Variants in XYLT1 observed in about 807,000 individuals in gnomAD.
XYLT1 encodes xylosyltransferase 1.
XYLT1 carries 36 observed loss-of-function variants against 91.3 expected under a neutral mutation model. That is an observed-to-expected ratio of 0.39 (90% CI 0.30 to 0.52). The LOEUF (loss-of-function observed/expected upper bound fraction) is 0.52, where lower values mean the gene tolerates loss of function less well. XYLT1 is among the 20% of genes least tolerant of loss of function. XYLT1 has a pLI of 0.68. For missense variants in XYLT1, 1,242 were observed against 1,284.5 expected (o/e 0.97, Z 0.51); for synonymous variants, 588 against 532.0 (o/e 1.11, Z -1.45).
chr16:17,134,604 C>A lies in XYLT1; in HGVS notation c.1896G>T (p.Glu632Asp), dbSNP rs1430977849. 2 of 1,614,220 alleles carry A rather than the reference C, an allele frequency of 1.2e-6. No homozygotes were observed. Among genetic ancestry groups the A allele is most frequent in the Non-Finnish European group, 1.7e-6 (2 of 1,180,042 alleles). Residue 632 changes from glutamate (E) to aspartate (D), a missense_variant, in exon 9 of 12, where the codon GAG becomes GAT. Transcript: ENST00000261381. ...TGCCGTCAGGCTCATCGTAGACATT[C>A]TCCCAGTAGGAGCGCAGGCCCGGGG... Reference protein sequence around the residue: ...AGTPGLRSYWENVYDEPDGIH... With the variant: ...AGTPGLRSYWDNVYDEPDGIH...
At chr16:17,443,201 G>C (rs1054687785) in intron 1 of XYLT1, among the ~76,000 whole-genome samples, 2 of 152,126 alleles carry the variant, frequency 1.3e-5, no homozygotes, top group African/African-American at 4.8e-5. Context: ...AATAGTAAAT[G>C]CTCAGTAAGT....
intron 1 of XYLT1, among the ~76,000 whole-genome samples, chr16:17,419,013 G>A (rs897914653): frequency 2.6e-5 from 4 of 151,988 alleles, no homozygotes; most frequent in Non-Finnish European, 5.9e-5. Context: ...TACAAAAACA[G>A]GCAGTGGGCC....
intron 9 of XYLT1, among the ~76,000 whole-genome samples, chr16:17,133,477 A>G (rs1419577393): frequency 2.0e-5 from 3 of 152,246 alleles, no homozygotes; most frequent in Non-Finnish European, 4.4e-5. Context: ...CAATGGCAAC[A>G]GTGAAGGGCC....
chr16:17,396,680 G>A lies in XYLT1; in HGVS notation c.364-38630C>T, dbSNP rs140930173. Among the ~76,000 whole-genome samples the A allele has an allele frequency of 2.8e-4, 43 of 152,264 alleles. 2 individuals carry two copies. The East Asian group carries it at 7.3e-3, about 26-fold the overall frequency. On this transcript the variant is annotated intron_variant, in intron 1 of 11. Coordinates refer to ENST00000261381, the MANE Select transcript of XYLT1 (RefSeq NM_022166.4). ...GAGGTCAGGAGTTTGAGACCAGCCT[G>A]GCCAAACAGTGAAACCCTATCTCTA...
chr16:17,393,365 G>A (rs2035844112), intron 1 of XYLT1, among the ~76,000 whole-genome samples: 1 of 152,134 alleles, frequency 6.6e-6, no homozygotes, highest in South Asian at 2.1e-4. Context: ...ATAAACTGTG[G>A]AGTGGTGAAG....
Position 17,206,546 on chromosome 16 carries a change from C to T in XYLT1, c.914-5892G>A, listed in dbSNP as rs548136293. On this transcript the variant is annotated intron_variant, in intron 3 of 11. Coordinates refer to ENST00000261381, the MANE Select transcript of XYLT1 (RefSeq NM_022166.4). ...CCTGTAGAATCTCAAAGACTAGTAA[C>T]GCTATCAGATGCATGTCAAATACTT... Among the ~76,000 whole-genome samples the T allele has an allele frequency of 2.4e-4, 37 of 152,182 alleles. No homozygotes were observed. The South Asian group carries it at 6.2e-3, about 26-fold the overall frequency.
chr16:17,139,262 A>AAGCTG (rs2030888797), intron 7 of XYLT1, among the ~76,000 whole-genome samples: 1 of 152,180 alleles, frequency 6.6e-6, no homozygotes, highest in South Asian at 2.1e-4. Flanking sequence ...TCCCTAAGGG[A>AAGCTG]AGCTGTTGGG....
chr16:17,357,996 C>T lies in XYLT1; in HGVS notation c.402+16G>A. 6.2e-7 allele frequency: 1 copy of T among 1,613,282 alleles called. No homozygotes were observed. Among genetic ancestry groups the T allele is most frequent in the Admixed American group, 1.7e-5 (1 of 59,904 alleles). Reference sequence around the variant, plus strand: ...CTAAGGCTGAGATAAGTGGCCAAGACAGGAAAGATACTTACCTGAGTCTCC... The same window carrying T: ...CTAAGGCTGAGATAAGTGGCCAAGATAGGAAAGATACTTACCTGAGTCTCC... On this transcript the variant is annotated intron_variant, in intron 2 of 11. Coordinates refer to ENST00000261381, the MANE Select transcript of XYLT1 (RefSeq NM_022166.4).
Position 17,311,590 on chromosome 16 carries a change from T to G in XYLT1, c.402+46422A>C, listed in dbSNP as rs1033463018. Among the ~76,000 whole-genome samples the G allele has an allele frequency of 4.6e-5, 7 of 152,336 alleles. No homozygotes were observed. In the East Asian group the frequency reaches 5.8e-4, roughly 13 times the overall value. ...TAGTTTCCAGCCAGATCCATGGGAC[T>G]GTGGGTGAATTCCTTCCTTCTTCAA... is the stretch of plus-strand genomic sequence containing the variant. On this transcript the variant is annotated intron_variant, in intron 2 of 11. Coordinates refer to ENST00000261381, the MANE Select transcript of XYLT1 (RefSeq NM_022166.4).
At chr16:17,232,887 T>C (rs1476542150) in intron 3 of XYLT1, among the ~76,000 whole-genome samples, 3 of 152,146 alleles carry the variant, frequency 2.0e-5, no homozygotes, top group Non-Finnish European at 4.4e-5. Context: ...TGAAATTATA[T>C]ACTCGCCTAC....
intron 3 of XYLT1, among the ~76,000 whole-genome samples, chr16:17,207,048 CTTTCTTTTT>C (rs1325598302): frequency 5.6e-5 from 5 of 89,402 alleles, no homozygotes; most frequent in African/African-American, 3.7e-4. Context: ...GTTTTCTTTT[CTTTCTTTTT>C]TTTTTTTTTT....
intron 3 of XYLT1, among the ~76,000 whole-genome samples, chr16:17,254,543 C>T (rs1008367851): frequency 3.3e-5 from 5 of 151,858 alleles, no homozygotes; most frequent in Non-Finnish European, 5.9e-5. Flanking sequence ...TACAGGCATG[C>T]GCCACCACAC....
At chr16:17,162,409 CAA>C (rs5815946) in intron 5 of XYLT1, among the ~76,000 whole-genome samples, 3 of 139,026 alleles carry the variant, frequency 2.2e-5, no homozygotes, top group South Asian at 2.4e-4. Context: ...GACTCTGTCT[CAA>C]AAAAAAAAAA....
intron 3 of XYLT1, among the ~76,000 whole-genome samples, chr16:17,233,517 G>A (rs1054065118): frequency 1.3e-5 from 2 of 152,218 alleles, no homozygotes; most frequent in Non-Finnish European, 2.9e-5. Flanking sequence ...GCCTGCAGAC[G>A]CGCCCTGCTT....
At position 17,283,628 on chromosome 16, in the gene XYLT1, A is replaced by G. The variant is rs545578680; in HGVS notation, c.403-24130T>C. ...TTTGCCTTTGAAATGACAACAATGA[A>G]AGACCCAATTTGAAATGTATAAAGG... On this transcript the variant is annotated intron_variant, in intron 2 of 11. Transcript: ENST00000261381. Among the ~76,000 whole-genome samples the G allele has an allele frequency of 7.1e-4, 108 of 152,316 alleles. 1 individual carries two copies. Among genetic ancestry groups the G allele is most frequent in the African/African-American group, 2.5e-3 (105 of 41,568 alleles).
chr16:17,324,608 GCA>G (rs1291685339), intron 2 of XYLT1, among the ~76,000 whole-genome samples: 1 of 152,218 alleles, frequency 6.6e-6, no homozygotes, highest in Non-Finnish European at 1.5e-5. Context: ...GCGTCTTCGT[GCA>G]CACAGTGAGA....
At position 17,115,448 on chromosome 16, in the gene XYLT1, C is replaced by T. The variant is rs970644274; in HGVS notation, c.2557+2198G>A. Among the ~76,000 whole-genome samples the T allele has an allele frequency of 4.6e-5, 7 of 150,948 alleles. No homozygotes were observed. The East Asian group carries it at 1.2e-3, about 25-fold the overall frequency. On this transcript the variant is annotated intron_variant, in intron 11 of 11. Coordinates refer to ENST00000261381, the MANE Select transcript of XYLT1 (RefSeq NM_022166.4). ...GCAGTGAGCTATGATTGCATGACTGCACTCCAGCCTAGGCAAAAGAGCCTG... is the reference window on the plus strand; with the variant it reads ...GCAGTGAGCTATGATTGCATGACTGTACTCCAGCCTAGGCAAAAGAGCCTG...
At chr16:17,172,034 C>T (rs983290274) in intron 5 of XYLT1, among the ~76,000 whole-genome samples, 7 of 152,126 alleles carry the variant, frequency 4.6e-5, no homozygotes, top group African/African-American at 9.7e-5. Context: ...TAACAGGAAT[C>T]GCAATATGAC....
intron 5 of XYLT1, among the ~76,000 whole-genome samples, chr16:17,176,321 T>A (rs1270144588): frequency 2.0e-5 from 3 of 152,230 alleles, no homozygotes; most frequent in Admixed American, 6.5e-5. Context: ...CTCGAGCCCT[T>A]TCTCTGGGTC....
Sources: gnomAD v4.1 joint callset for allele counts (sites outside exome capture counted in the v4.1 genomes callset) on GRCh38, gnomAD v4.1.1 for gene constraint, MANE v1.5 for transcripts, NCBI Gene and HGNC (gene_info 2026-07-23, HGNC 2026-07-21) for gene names.